Variants in GPHN observed in about 807,000 individuals in gnomAD.
The protein encoded by GPHN is gephyrin.
Under a neutral mutation model 95.5 loss-of-function variants are expected in GPHN, and 17 were observed. That is an observed-to-expected ratio of 0.18 (90% CI 0.12 to 0.27). The LOEUF (loss-of-function observed/expected upper bound fraction) is 0.27. Ranked by LOEUF, GPHN falls within the 10% of genes least tolerant of loss-of-function variation. The probability of loss-of-function intolerance (pLI) is 1.00; values close to 1 mark genes in which losing one functional copy is unlikely to be tolerated. For missense variants in GPHN, 660 were observed against 978.1 expected, an observed-to-expected ratio of 0.67 and a Z score of 4.34; for synonymous variants, 320 against 322.5, an observed-to-expected ratio of 0.99 and a Z score of 0.08.
chr14:67,674,316 T>C, the GPHN span: 3 of 1,424,942 alleles, frequency 2.1e-6, no homozygotes, highest in South Asian at 2.6e-5. Flanking sequence ...GGTGGGAGAA[T>C]CTTCCTTCCA....
chr14:67,067,406 G>C (rs114309850), intron 11 of GPHN, among the ~76,000 whole-genome samples: 1 of 152,322 alleles, frequency 6.6e-6, no homozygotes, highest in East Asian at 1.9e-4. Context: ...CTACACAGGG[G>C]TCAGGGACTC....
chr14:67,662,008 C>T, the GPHN span, among the ~76,000 whole-genome samples: 1 of 151,906 alleles, frequency 6.6e-6, no homozygotes, highest in African/African-American at 2.4e-5. Context: ...TACAAAAAAA[C>T]AGCCAGGTGT....
At chr14:66,706,184 A>G (rs1485293433) in intron 2 of GPHN, among the ~76,000 whole-genome samples, 3 of 152,214 alleles carry the variant, frequency 2.0e-5, no homozygotes, top group Non-Finnish European at 2.9e-5. Context: ...ATGGAAAAAC[A>G]TTCCATGCTC....
At chr14:67,261,894 A>G in the GPHN span, among the ~76,000 whole-genome samples, 1 of 152,178 alleles carries the variant, frequency 6.6e-6, no homozygotes, top group East Asian at 1.9e-4. Flanking sequence ...TTTATGAAGC[A>G]GTCAATTGAA....
chr14:67,525,608 A>G, the GPHN span, among the ~76,000 whole-genome samples: 2 of 152,206 alleles, frequency 1.3e-5, no homozygotes, highest in African/African-American at 2.4e-5. Context: ...GCGAAAGGAG[A>G]TTTGGAGTGG....
the GPHN span, chr14:67,397,923 C>A: frequency 7.4e-6 from 7 of 941,876 alleles, no homozygotes; most frequent in Non-Finnish European, 1.1e-5. Flanking sequence ...CCAGACTGTG[C>A]TGTGGAAATC....
chr14:67,212,498 G>A, the GPHN span, among the ~76,000 whole-genome samples: 3 of 150,734 alleles, frequency 2.0e-5, no homozygotes, highest in Admixed American at 6.6e-5. Flanking sequence ...GGCTGAAGTG[G>A]AAGGATCACC....
intron 2 of GPHN, among the ~76,000 whole-genome samples, chr14:66,689,155 G>C (rs1595560820): frequency 6.6e-6 from 1 of 152,304 alleles, no homozygotes; most frequent in African/African-American, 2.4e-5. Flanking sequence ...TCCCAAGTCA[G>C]TGTGATGTTG....
intron 8 of GPHN, among the ~76,000 whole-genome samples, chr14:66,964,706 T>C (rs2069190982): frequency 6.6e-6 from 1 of 152,148 alleles, no homozygotes; most frequent in East Asian, 1.9e-4. Context: ...TGCCAGATCT[T>C]ACCCTATCCC....
the GPHN span, chr14:67,575,755 T>C: frequency 1.7e-6 from 2 of 1,162,994 alleles, no homozygotes; most frequent in Non-Finnish European, 2.5e-6. Flanking sequence ...GGAGCCTATG[T>C]ATTCAGAGAG....
chr14:67,606,085 G>T, the GPHN span, among the ~76,000 whole-genome samples: 1 of 152,236 alleles, frequency 6.6e-6, no homozygotes, highest in African/African-American at 2.4e-5. Flanking sequence ...ATTTTTCCCC[G>T]ACATTAATCT....
At chr14:67,514,044 G>A in the GPHN span, among the ~76,000 whole-genome samples, 1 of 152,156 alleles carries the variant, frequency 6.6e-6, no homozygotes, top group African/African-American at 2.4e-5. Flanking sequence ...AAGGCTGATA[G>A]CCACAGCAAT....
At chr14:67,542,736 T>C in the GPHN span, among the ~76,000 whole-genome samples, 1 of 152,154 alleles carries the variant, frequency 6.6e-6, no homozygotes, top group African/African-American at 2.4e-5. Context: ...GTTTCGCTCT[T>C]GTTGCCCAGG....
intron 9 of GPHN, among the ~76,000 whole-genome samples, chr14:66,966,312 AGTTTG>A (rs2069322121): frequency 6.6e-6 from 1 of 152,078 alleles, no homozygotes; most frequent in Non-Finnish European, 1.5e-5. Context: ...TGAATAGTGC[AGTTTG>A]TTTTACATTA....
the GPHN span, among the ~76,000 whole-genome samples, chr14:67,606,973 T>TA: frequency 2.6e-5 from 4 of 152,168 alleles, no homozygotes; most frequent in African/African-American, 9.7e-5. Context: ...AAAAGCCTGA[T>TA]ATATTCAAAA....
chr14:66,773,203 A>G (rs566102810), intron 2 of GPHN, among the ~76,000 whole-genome samples: 1 of 152,308 alleles, frequency 6.6e-6, no homozygotes, highest in Admixed American at 6.5e-5. Context: ...GATGGCAGGT[A>G]ATAAGTTCTT....
intron 4 of GPHN, among the ~76,000 whole-genome samples, chr14:66,853,506 G>A (rs72728690): frequency 0.044 from 6,698 of 152,264 alleles, 189 homozygotes; most frequent in Middle Eastern, 0.068. Context: ...CACAATGATG[G>A]CTGAAGACGA....
At chr14:66,646,836 CT>C (rs1220191483) in intron 1 of GPHN, among the ~76,000 whole-genome samples, 1 of 152,048 alleles carries the variant, frequency 6.6e-6, no homozygotes, top group Non-Finnish European at 1.5e-5. Flanking sequence ...AAACTGTATT[CT>C]TAAGAGGGAT....
chr14:66,681,065 G>A (rs2066907217), intron 1 of GPHN, 42 bp from the exon 2 acceptor site: 6 of 1,165,148 alleles, frequency 5.1e-6, no homozygotes, highest in South Asian at 3.7e-5. Flanking sequence ...ATGAAATGTA[G>A]ACAAAAATTA....
Sources: allele counts gnomAD v4.1 joint callset (sites outside exome capture counted in the v4.1 genomes callset), GRCh38; gene constraint gnomAD v4.1.1; transcripts MANE v1.5; gene names NCBI Gene and HGNC (gene_info 2026-07-23, HGNC 2026-07-21).